ARID1B: variants seen among roughly 807,000 people sequenced by gnomAD.
ARID1B encodes the protein AT-rich interaction domain 1B, also known as AT-rich interactive domain-containing protein 1B.
Under a neutral mutation model 212.3 loss-of-function variants are expected in ARID1B, and 30 were observed. That is an observed-to-expected ratio of 0.14 (90% confidence interval 0.11 to 0.19). The LOEUF is 0.19. Among genes scored for constraint, ARID1B ranks in the 10% least tolerant of loss-of-function variants. The pLI is 1.00. For synonymous variants in ARID1B, 1,402 were observed against 1,301.7 expected (o/e 1.08, Z -1.66); for missense variants, 2,891 against 3,204.0 (o/e 0.90, Z 2.36).
chr6:157,199,836 G>A (rs960234219), intron 17 of ARID1B, among the ~76,000 whole-genome samples: 5 of 151,810 alleles, frequency 3.3e-5, no homozygotes, highest in African/African-American at 1.2e-4. Flanking sequence ...GCTAATTTTT[G>A]TATTTTTACT....
At chr6:157,031,813 ATGGTGCCTCACTC>A (rs993223572) in intron 4 of ARID1B, among the ~76,000 whole-genome samples, 3 of 150,250 alleles carry the variant, frequency 2.0e-5, no homozygotes, top group African/African-American at 7.3e-5. Flanking sequence ...TTTTTTTGAG[ATGGTGCCTCACTC>A]TGTTGCCCAG....
intron 4 of ARID1B, among the ~76,000 whole-genome samples, chr6:157,028,975 C>T (rs1780848450): frequency 6.6e-6 from 1 of 152,204 alleles, no homozygotes; most frequent in Non-Finnish European, 1.5e-5. Context: ...TTACTGTAGT[C>T]TAACTGGAGT....
intron 2 of ARID1B, among the ~76,000 whole-genome samples, chr6:156,843,054 G>A (rs1383549406): frequency 1.3e-5 from 2 of 152,226 alleles, no homozygotes; most frequent in Non-Finnish European, 2.9e-5. Context: ...GAGTTCTAGA[G>A]TAGGGTAGTT....
At chr6:157,110,992 C>CTATT (rs1786869057) in intron 6 of ARID1B, 1 of 171,732 alleles carries the variant, frequency 5.8e-6, no homozygotes, top group African/African-American at 2.4e-5. Flanking sequence ...AAACCCAGAG[C>CTATT]AAGACCCTGT....
chr6:156,832,416 A>G (rs1783203650), intron 2 of ARID1B, among the ~76,000 whole-genome samples: 1 of 152,186 alleles, frequency 6.6e-6, no homozygotes, highest in African/African-American at 2.4e-5. Flanking sequence ...TATGACATTG[A>G]GTATTTATTG....
intron 5 of ARID1B, among the ~76,000 whole-genome samples, chr6:157,090,512 C>G (rs1785209677): frequency 1.3e-5 from 2 of 152,230 alleles, no homozygotes; most frequent in Admixed American, 6.5e-5. Context: ...AAAATTAGGT[C>G]TTCACGCTAG....
At chr6:157,118,329 G>A (rs1398276573) in intron 6 of ARID1B, among the ~76,000 whole-genome samples, 2 of 152,168 alleles carry the variant, frequency 1.3e-5, no homozygotes, top group African/African-American at 4.8e-5. Context: ...TGCAGATGCT[G>A]AGATGTATCA....
intron 16 of ARID1B, among the ~76,000 whole-genome samples, chr6:157,197,569 A>G (rs991406736): frequency 2.6e-5 from 4 of 152,264 alleles, no homozygotes; most frequent in African/African-American, 7.2e-5. Flanking sequence ...TTACTCTTCT[A>G]ATTCTTAACC....
chr6:157,097,425 G>A (rs544405175), intron 5 of ARID1B, among the ~76,000 whole-genome samples: 3 of 152,142 alleles, frequency 2.0e-5, no homozygotes, highest in Admixed American at 6.5e-5. Context: ...GATTGACCAC[G>A]TGTGCCACCT....
intron 1 of ARID1B, among the ~76,000 whole-genome samples, chr6:156,825,049 G>A (rs1782647170): frequency 6.6e-6 from 1 of 152,028 alleles, no homozygotes. Context: ...TATTTTAGTG[G>A]AGACAGGATT....
chr6:157,103,831 C>CTTTTTTT (rs869280492), intron 5 of ARID1B, among the ~76,000 whole-genome samples: 11 of 118,358 alleles, frequency 9.3e-5, no homozygotes, highest in African/African-American at 3.5e-4. Context: ...ATATTAACAA[C>CTTTTTTT]TTTTTTTTTT....
chr6:156,834,599 A>G (rs1291814177), intron 2 of ARID1B, among the ~76,000 whole-genome samples: 1 of 152,230 alleles, frequency 6.6e-6, no homozygotes, highest in East Asian at 1.9e-4. Flanking sequence ...GAAGGTGAAC[A>G]TTTTGGCCAG....
rs150641299 is a variant in ARID1B at position 157,039,755 on chromosome 6, TCCTA to T, written c.2248-44903_2248-44900del. On this transcript the variant is annotated intron_variant, in intron 4 of 19. Transcript: ENST00000636930. The stretch of plus-strand genomic sequence containing the variant: ...TCCCTCCCTCCCTCCCTTCCTTCCT[TCCTA>T]CCTTCCTACCTACCTACCTTCCTTC... 9.2e-3 allele frequency among the ~76,000 whole-genome samples: 1,106 copies of T among 120,616 alleles called. 55 individuals carry two copies. The highest frequency in any genetic ancestry group is 0.027 in the African/African-American group (846 of 30,978). The allele number at this position is 120,616 out of a possible 152,430, so 79.1% of individuals were successfully genotyped here.
At chr6:156,915,242 C>T (rs1790251915) in intron 3 of ARID1B, among the ~76,000 whole-genome samples, 1 of 152,136 alleles carries the variant, frequency 6.6e-6, no homozygotes, top group South Asian at 2.1e-4. Context: ...AACAGGCTTT[C>T]TTCTTTGATA....
At chr6:156,965,068 A>G (rs1030688677) in intron 4 of ARID1B, among the ~76,000 whole-genome samples, 1 of 152,244 alleles carries the variant, frequency 6.6e-6, no homozygotes, top group South Asian at 2.1e-4. Context: ...CAGCTACATA[A>G]GTATTCTCTT....
intron 7 of ARID1B, among the ~76,000 whole-genome samples, chr6:157,133,508 G>A (rs1788695737): frequency 6.6e-6 from 1 of 152,230 alleles, no homozygotes; most frequent in Non-Finnish European, 1.5e-5. Context: ...TAAACGTAGA[G>A]AAAAAGACAC....
chr6:156,823,510 C>T (rs114877642), intron 1 of ARID1B, among the ~76,000 whole-genome samples: 444 of 152,158 alleles, frequency 2.9e-3, no homozygotes, highest in African/African-American at 9.6e-3. Context: ...CCTGTTTGAG[C>T]GAGAGAAATA....
At chr6:156,888,547 A>G (rs1787692657) in intron 2 of ARID1B, among the ~76,000 whole-genome samples, 1 of 152,240 alleles carries the variant, frequency 6.6e-6, no homozygotes, top group Non-Finnish European at 1.5e-5. Context: ...ATTACCAGTT[A>G]CAGTCTGGGC....
At chr6:156,949,190 CT>C (rs1194687551) in intron 4 of ARID1B, among the ~76,000 whole-genome samples, 1 of 152,124 alleles carries the variant, frequency 6.6e-6, no homozygotes, top group African/African-American at 2.4e-5. Context: ...ATTTTTACTA[CT>C]TTTTTTGCTG....
Sources: gnomAD v4.1 joint callset for allele counts (sites outside exome capture counted in the v4.1 genomes callset) on GRCh38, gnomAD v4.1.1 for gene constraint, MANE v1.5 for transcripts, NCBI Gene and HGNC (gene_info 2026-07-23, HGNC 2026-07-21) for gene names.